Variants in CNIH3 observed in about 807,000 individuals in gnomAD.
CNIH3 encodes cornichon family AMPA receptor auxiliary protein 3, also known as protein cornichon homolog 3.
Under a neutral mutation model 24.1 loss-of-function variants are expected in CNIH3, and 14 were observed. The observed-to-expected ratio is 0.58, with a 90% CI of 0.38 to 0.91. The LOEUF (loss-of-function observed/expected upper bound fraction) is 0.91, where lower values mean the gene tolerates loss of function less well. CNIH3 is among the 40% of genes least tolerant of loss of function. CNIH3 has a pLI of 0.00. For missense variants in CNIH3, 178 were observed against 196.8 expected (o/e 0.90, Z 0.57); for synonymous variants, 68 against 73.8 (o/e 0.92, Z 0.40).
intron 3 of CNIH3, among the ~76,000 whole-genome samples, chr1:224,601,856 A>T (rs1682225260): frequency 6.6e-6 from 1 of 152,380 alleles, no homozygotes; most frequent in South Asian, 2.1e-4. Context: ...TGTATCATCC[A>T]GTGGTGATTG....
In CNIH3 at chr1:224,575,461, A is replaced by G. The variant is rs1680996952; in HGVS notation, n.517-7703A>G. The G allele has an allele frequency of 4.8e-5, 33 of 691,208 alleles. 1 individual carries two copies. The highest frequency in any genetic ancestry group is 2.5e-6 in the Non-Finnish European group (1 of 399,260). 42.8% of individuals were successfully genotyped at this position (691,208 alleles called of 1,614,324 possible). ...TGTCTCATTTTTTTTTTTCCTTGCA[A>G]AGGTAGTATGGCCTGTGTCACTCAG... On this transcript the variant is annotated intron_variant and non_coding_transcript_variant, in intron 4 of 5. Coordinates refer to the CNIH3 transcript ENST00000471578.
chr1:224,484,032 G>T (rs1057136661), intron 1 of CNIH3, among the ~76,000 whole-genome samples: 3 of 151,986 alleles, frequency 2.0e-5, no homozygotes, highest in African/African-American at 7.3e-5. Flanking sequence ...TTAGCCGGGT[G>T]TGGTGGCGCG....
chr1:224,651,064 G>GACAC (rs71772293), intron 1 of CNIH3, among the ~76,000 whole-genome samples: 1 of 151,096 alleles, frequency 6.6e-6, no homozygotes, highest in South Asian at 2.1e-4. Flanking sequence ...GAGGGACATG[G>GACAC]ACACACACAC....
Position 224,616,353 on chromosome 1 carries a change from G to A in CNIH3, c.-822G>A. 1.7e-6 allele frequency: 1 copy of A among 575,268 alleles called. No homozygotes were observed. Among genetic ancestry groups the A allele is most frequent in the Non-Finnish European group, 2.3e-6 (1 of 433,990 alleles). 35.6% of individuals were successfully genotyped at this position (575,268 alleles called of 1,614,324 possible). A position where few individuals can be genotyped will look rare whatever the true frequency, so the allele number is the denominator to read the frequency against. On this transcript the variant is annotated 5_prime_UTR_variant, in exon 1 of 6. Transcript: ENST00000272133. ...GGCGGCGGCGGCGGCGGCGGCAGCG[G>A]CAGCAGCAGGTGGAGCGAGCTACAG...
intron 4 of CNIH3, among the ~76,000 whole-genome samples, chr1:224,578,328 T>C (rs1681124727): frequency 6.6e-6 from 1 of 152,220 alleles, no homozygotes; most frequent in Admixed American, 6.5e-5. Context: ...TAAATCTGCC[T>C]TCAGTACTTA....
chr1:224,691,672 A>G (rs1436489085), intron 3 of CNIH3, among the ~76,000 whole-genome samples: 2 of 152,194 alleles, frequency 1.3e-5, no homozygotes, highest in East Asian at 1.9e-4. Context: ...TTGTTACATA[A>G]CATTCTCATG....
chr1:224,597,539 T>C (rs978977701), intron 3 of CNIH3, among the ~76,000 whole-genome samples: 7 of 152,234 alleles, frequency 4.6e-5, no homozygotes, highest in African/African-American at 1.7e-4. Context: ...CAAAGAAGTA[T>C]TTATAAAAGG....
intron 3 of CNIH3, among the ~76,000 whole-genome samples, chr1:224,598,863 CA>C (rs1336076965): frequency 6.6e-6 from 1 of 152,078 alleles, no homozygotes; most frequent in African/African-American, 2.4e-5. Context: ...CCTGGGAAAC[CA>C]AAAAATTCAT....
chr1:224,739,534 T>A lies in CNIH3; in HGVS notation c.*178T>A. On this transcript the variant is annotated 3_prime_UTR_variant, in exon 6 of 6. Transcript: ENST00000272133. ...CAGCAGCTGGGAGCCGAGTTAACCC[T>A]GCGTGTCTGTGTCACCCTGTTTGTC... 6.2e-6 allele frequency: 7 copies of A among 1,124,868 alleles called. No individual in the cohort carries two copies. Among genetic ancestry groups the A allele is most frequent in the Non-Finnish European group, 8.8e-6 (7 of 795,734 alleles). 69.7% of individuals were successfully genotyped at this position (1,124,868 alleles called of 1,614,324 possible).
At chr1:224,730,257 G>A (rs1220626910) in intron 3 of CNIH3, 3 of 539,070 alleles carry the variant, frequency 5.6e-6, no homozygotes, top group Non-Finnish European at 1.0e-5. Flanking sequence ...TTTGGGTTTG[G>A]GTATAATAAA....
At chr1:224,568,160 C>T (rs1013240353) in intron 4 of CNIH3, among the ~76,000 whole-genome samples, 3 of 152,018 alleles carry the variant, frequency 2.0e-5, no homozygotes, top group Admixed American at 6.6e-5. Flanking sequence ...CATGGTGGCA[C>T]GTGCCTGTTA....
chr1:224,469,949 T>C (rs991687009), intron 1 of CNIH3, among the ~76,000 whole-genome samples: 3 of 152,176 alleles, frequency 2.0e-5, no homozygotes, highest in Non-Finnish European at 4.4e-5. Context: ...TTTTCATTTT[T>C]GAAATATGGT....
downstream of CNIH3, among the ~76,000 whole-genome samples, chr1:224,541,092 AT>A (rs1314893120): frequency 1.6e-4 from 25 of 152,352 alleles, no homozygotes; most frequent in East Asian, 4.4e-3. Context: ...CCATTGCTGT[AT>A]TGGCATGTAT....
At chr1:224,628,664 A>G (rs923522518) in intron 1 of CNIH3, among the ~76,000 whole-genome samples, 2 of 151,974 alleles carry the variant, frequency 1.3e-5, no homozygotes, top group Admixed American at 1.3e-4. Context: ...AATAAAACTC[A>G]AAGGCCCCCC....
chr1:224,455,247 T>C (rs1675598820), intron 1 of CNIH3, among the ~76,000 whole-genome samples: 1 of 152,200 alleles, frequency 6.6e-6, no homozygotes, highest in Non-Finnish European at 1.5e-5. Flanking sequence ...GTGTATTGCT[T>C]TCACACCATC....
intron 3 of CNIH3, among the ~76,000 whole-genome samples, chr1:224,605,428 G>A (rs895182706): frequency 1.3e-5 from 2 of 152,170 alleles, no homozygotes; most frequent in Non-Finnish European, 2.9e-5. Flanking sequence ...CTAACTTTGG[G>A]AGAAATGTAG....
intron 2 of CNIH3, among the ~76,000 whole-genome samples, chr1:224,682,394 C>T (rs184228501): frequency 2.6e-5 from 4 of 152,304 alleles, no homozygotes; most frequent in African/African-American, 9.6e-5. Flanking sequence ...CTGCCATCTA[C>T]CCTGTGTTGC....
chr1:224,554,065 T>C (rs953452182), intron 3 of CNIH3, among the ~76,000 whole-genome samples: 41 of 152,212 alleles, frequency 2.7e-4, no homozygotes, highest in African/African-American at 8.9e-4. Context: ...AAAATGATTT[T>C]TAGAACCAAC....
intron 1 of CNIH3, among the ~76,000 whole-genome samples, chr1:224,476,849 A>C (rs1676606971): frequency 6.6e-6 from 1 of 152,240 alleles, no homozygotes; most frequent in African/African-American, 2.4e-5. Context: ...AGCCAAAGCT[A>C]TCCTAAGCAA....
Sources: allele counts gnomAD v4.1 joint callset (sites outside exome capture counted in the v4.1 genomes callset), GRCh38; gene constraint gnomAD v4.1.1; transcripts MANE v1.5; gene names NCBI Gene and HGNC (gene_info 2026-07-23, HGNC 2026-07-21).